The following PLD6 variants were observed in gnomAD, a reference collection of about 807,000 sequenced individuals.
PLD6 encodes the protein phospholipase D family member 6.
A neutral mutation model predicts 9.7 loss-of-function variants in PLD6; 10 were observed. The ratio of observed to expected loss-of-function variants is 1.03; its 90% CI spans 0.64 to 1.75. The LOEUF (loss-of-function observed/expected upper bound fraction) is 1.75. Ranked by LOEUF, PLD6 falls within the 40% of genes most tolerant of loss-of-function variation. The pLI is 0.00. For missense variants in PLD6, 334 were observed against 347.6 expected (o/e 0.96, Z 0.31); for synonymous variants, 152 against 159.2 (o/e 0.96, Z 0.34).
At position 17,206,043 on chromosome 17, in the gene PLD6, G is replaced by A. The variant is rs764315356; in HGVS notation, c.244C>T (p.Arg82Cys). The A allele has an allele frequency of 2.0e-6, 3 of 1,531,808 alleles. No individual in the cohort carries two copies. Among genetic ancestry groups the A allele is most frequent in the South Asian group, 2.4e-5 (2 of 83,628 alleles). The allele number at this position is 1,531,808 out of a possible 1,614,324, so 94.9% of individuals were successfully genotyped here. ...GCGGCCAGCAGGGCACGCAGCAGGCGGCTTAGCGCGCTCTCGCCGTGGGGC... is the reference window on the plus strand; with the variant it reads ...GCGGCCAGCAGGGCACGCAGCAGGCAGCTTAGCGCGCTCTCGCCGTGGGGC... Reference protein sequence around the residue: ...GLPHGESALSRLLRALLAARA... With the variant: ...GLPHGESALSCLLRALLAARA... The change falls in exon 1 of 2, where the codon CGC (arginine) becomes TGC (cysteine). Residue 82 changes from arginine to cysteine, a missense_variant. By Grantham distance (180) the Arg-to-Cys change is radical. Coordinates refer to ENST00000321560, the MANE Select transcript of PLD6 (RefSeq NM_178836.4).
chr17:17,205,280 A>G (rs2046707680), intron 1 of PLD6, among the ~76,000 whole-genome samples: 1 of 152,196 alleles, frequency 6.6e-6, no homozygotes, highest in African/African-American at 2.4e-5. Context: ...GCAGCTGGGA[A>G]AACAACCGAA....
intron 1 of PLD6, among the ~76,000 whole-genome samples, chr17:17,203,333 C>T (rs2046690774): frequency 6.6e-6 from 1 of 152,140 alleles, no homozygotes; most frequent in South Asian, 2.1e-4. Flanking sequence ...CTGGGCAGGC[C>T]GTGGTCTGGG....
chr17:17,206,053 G>A lies in PLD6; in HGVS notation c.234C>T (p.Ser78=). 5.2e-6 allele frequency: 8 copies of A among 1,527,692 alleles called. No individual in the cohort carries two copies. Among genetic ancestry groups the A allele is most frequent in the Non-Finnish European group, 7.0e-6 (8 of 1,142,400 alleles). The allele number at this position is 1,527,692 out of a possible 1,614,324, so 94.6% of individuals were successfully genotyped here. ...GCPCGLPHGE[S]ALSRLLRALL... is the part of the protein sequence containing the mutation. ...GGGCACGCAGCAGGCGGCTTAGCGC[G>A]CTCTCGCCGTGGGGCAGGCCGCACG... Residue 78 remains serine, a synonymous_variant, in exon 1 of 2, where the codon AGC becomes AGT. Coordinates refer to ENST00000321560, the MANE Select transcript of PLD6 (RefSeq NM_178836.4).
At position 17,206,021 on chromosome 17, in the gene PLD6, G is replaced by T. The variant is rs1274006592; in HGVS notation, c.266C>A (p.Ala89Asp). ...ALSRLLRALL[A>D]ARASLDLCLF... is the part of the protein sequence containing the mutation. ...GCAGAGATCCAGGCTGGCGCGGGCG[G>T]CCAGCAGGGCACGCAGCAGGCGGCT... The change falls in exon 1 of 2, where the codon GCC becomes GAC. Residue 89 changes from alanine (A) to aspartate (D), a missense_variant. Physicochemically the swap from Ala to Asp is moderately radical, Grantham distance 126. Transcript: ENST00000321560. The T allele has an allele frequency of 6.5e-7, 1 of 1,542,196 alleles. No individual in the cohort carries two copies. The highest frequency in any genetic ancestry group is 1.4e-5 in the African/African-American group (1 of 72,900).
At chr17:17,203,391 T>C (rs1022666177) in intron 1 of PLD6, among the ~76,000 whole-genome samples, 1 of 152,120 alleles carries the variant, frequency 6.6e-6, no homozygotes, top group Admixed American at 6.5e-5. Flanking sequence ...CCCTTCGGGG[T>C]TACTGCTTGC....
intron 1 of PLD6, 121 bp downstream of exon 1, chr17:17,205,739 C>T (rs2046713236): frequency 2.5e-6 from 3 of 1,185,810 alleles, no homozygotes; most frequent in Non-Finnish European, 3.5e-6. Flanking sequence ...CACAAGGCCA[C>T]GAGGAAAGTA....
At chr17:17,203,450 C>T (rs902610785) in intron 1 of PLD6, among the ~76,000 whole-genome samples, 1 of 152,196 alleles carries the variant, frequency 6.6e-6, no homozygotes, top group Admixed American at 6.5e-5. Context: ...GCAAAGACAG[C>T]GTGTGAGCCT....
In PLD6 at chr17:17,206,062, G is replaced by A; in HGVS notation, c.225C>T (p.His75=). 6.6e-7 allele frequency: 1 copy of A among 1,521,836 alleles called. No individual in the cohort carries two copies. Among genetic ancestry groups the A allele is most frequent in the Non-Finnish European group, 8.8e-7 (1 of 1,140,292 alleles). 94.3% of individuals were successfully genotyped at this position (1,521,836 alleles called of 1,614,324 possible). A position where few individuals can be genotyped will look rare whatever the true frequency, so the allele number is the denominator to read the frequency against. The change falls in exon 1 of 2, where the codon CAC becomes CAT. Residue 75 remains histidine, a synonymous_variant. Coordinates refer to ENST00000321560, the MANE Select transcript of PLD6 (RefSeq NM_178836.4). ...LPEGCPCGLP[H]GESALSRLLR... Reference sequence around the variant, plus strand: ...GCAGGCGGCTTAGCGCGCTCTCGCCGTGGGGCAGGCCGCACGGGCAGCCCT... The same window carrying A: ...GCAGGCGGCTTAGCGCGCTCTCGCCATGGGGCAGGCCGCACGGGCAGCCCT...
rs1329756521 is a variant in PLD6 at position 17,201,309 on chromosome 17, TAA to T, written c.*1456_*1457del. 2.6e-5 allele frequency: 4 copies of T among 152,232 alleles called. No homozygotes were observed. The highest frequency in any genetic ancestry group is 5.9e-5 in the Non-Finnish European group (4 of 68,054). 9.4% of individuals were successfully genotyped at this position (152,232 alleles called of 1,614,324 possible). On this transcript the variant is annotated 3_prime_UTR_variant, in exon 2 of 2. Coordinates refer to ENST00000321560, the MANE Select transcript of PLD6 (RefSeq NM_178836.4). ...CCAGCGTGGGCTGGGGAGGTGAGAC[TAA>T]GCACATGGCTAGCAGACCTCAGGAT...
chr17:17,202,674 G>T lies in PLD6; in HGVS notation c.*93C>A. 1 of 1,215,788 alleles carries T rather than the reference G, an allele frequency of 8.2e-7. No homozygotes were observed. 75.3% of individuals were successfully genotyped at this position (1,215,788 alleles called of 1,614,324 possible). ...AGTTCAATTTAGTATTCTAATAGAC[G>T]AGACTTTAGTTTAACGATTTTTTTC... is the stretch of plus-strand genomic sequence containing the variant. On this transcript the variant is annotated 3_prime_UTR_variant, in exon 2 of 2. Transcript: ENST00000321560.
Position 17,202,736 on chromosome 17 carries a change from G to C in PLD6, c.*31C>G. The C allele has an allele frequency of 6.3e-7, 1 of 1,590,298 alleles. No homozygotes were observed. On this transcript the variant is annotated 3_prime_UTR_variant, in exon 2 of 2. Coordinates refer to ENST00000321560, the MANE Select transcript of PLD6 (RefSeq NM_178836.4). ...TCTCCCTCCCTCAGAACGCACAGCA[G>C]CCCGCAGGGAGGGCTCAGCCCCATT...
rs2046688291 is a variant in PLD6 at position 17,203,045 on chromosome 17, T to C, written c.481A>G (p.Ile161Val). The change falls in exon 2 of 2, where the codon ATC becomes GTC. Residue 161 changes from isoleucine (I) to valine (V), a missense_variant. Transcript: ENST00000321560. ...GTGATGAGCACCCTCTTGTCCACGATGGCAAACTTGTGATGCATGTAGCCT... is the reference window on the plus strand; with the variant it reads ...GTGATGAGCACCCTCTTGTCCACGACGGCAAACTTGTGATGCATGTAGCCT... ...DPGYMHHKFAIVDKRVLITGS... is the reference protein window; with the variant it reads ...DPGYMHHKFAVVDKRVLITGS... 1.2e-6 allele frequency: 2 copies of C among 1,614,208 alleles called. No homozygotes were observed. Among genetic ancestry groups the C allele is most frequent in the Non-Finnish European group, 1.7e-6 (2 of 1,180,034 alleles).
chr17:17,202,888 T>G lies in PLD6; in HGVS notation c.638A>C (p.Lys213Thr). The G allele has an allele frequency of 6.2e-7, 1 of 1,614,132 alleles. No individual in the cohort carries two copies. The highest frequency in any genetic ancestry group is 1.3e-5 in the African/African-American group (1 of 75,034). ...ERIWEQFNPT[K>T]YTFFPPKKSH... ...TTTCTTTGGTGGGAAAAAGGTATAC[T>G]TTGTAGGGTTAAACTGTTCCCAGAT... is the stretch of plus-strand genomic sequence containing the variant. Residue 213 changes from lysine to threonine, a missense_variant, in exon 2 of 2, where the codon AAG becomes ACG. Lys to Thr is a moderately conservative substitution (Grantham distance 78, BLOSUM62 -1). Transcript: ENST00000321560.
rs780746702 is a variant in PLD6, at chr17:17,206,161, C to T, written c.126G>A (p.Leu42=). The T allele has an allele frequency of 1.1e-5, 17 of 1,504,844 alleles. No individual in the cohort carries two copies. Among genetic ancestry groups the T allele is most frequent in the African/African-American group, 1.0e-4 (7 of 69,154 alleles). 93.2% of individuals were successfully genotyped at this position (1,504,844 alleles called of 1,614,324 possible). A position where few individuals can be genotyped will look rare whatever the true frequency, so the allele number is the denominator to read the frequency against. The change falls in exon 1 of 2, where the codon CTG becomes CTA. Residue 42 remains leucine, a synonymous_variant. Coordinates refer to ENST00000321560, the MANE Select transcript of PLD6 (RefSeq NM_178836.4). ...TACAGGTCACCTGAGACGGGAAGAA[C>T]AGCGCCTCGCGCCGCGGCCGCCGCC... ...SRRRRPRREA[L]FFPSQVTCTE...
At position 17,206,320 on chromosome 17, in the gene PLD6, C is replaced by T; in HGVS notation, c.-34G>A. 1 of 1,489,390 alleles carries T rather than the reference C, an allele frequency of 6.7e-7. No homozygotes were observed. The highest frequency in any genetic ancestry group is 1.5e-5 in the African/African-American group (1 of 68,718). The allele number at this position is 1,489,390 out of a possible 1,614,324, so 92.3% of individuals were successfully genotyped here. A position where few individuals can be genotyped will look rare whatever the true frequency, so the allele number is the denominator to read the frequency against. On this transcript the variant is annotated 5_prime_UTR_variant, in exon 1 of 2. Coordinates refer to ENST00000321560, the MANE Select transcript of PLD6 (RefSeq NM_178836.4). ...TAATCCGGGACCCACAGCCACGCCG[C>T]CGCAGCGGAGTCTGCGCGCCCCCAG...
chr17:17,201,064 A>C lies in PLD6; in HGVS notation c.*1703T>G, dbSNP rs2046670478. 1 of 152,272 alleles carries C rather than the reference A, an allele frequency of 6.6e-6. No individual in the cohort carries two copies. Among genetic ancestry groups the C allele is most frequent in the African/African-American group, 2.4e-5 (1 of 41,478 alleles). 9.4% of individuals were successfully genotyped at this position (152,272 alleles called of 1,614,324 possible). A position where few individuals can be genotyped will look rare whatever the true frequency, so the allele number is the denominator to read the frequency against. On this transcript the variant is annotated 3_prime_UTR_variant, in exon 2 of 2. Transcript: ENST00000321560. ...GGTCACGCGGCTTCGCATTTAGGAG[A>C]TGCTTTACAAGCTCTCCCATTTTCT... is the stretch of plus-strand genomic sequence containing the variant.
Position 17,203,104 on chromosome 17 carries a change from G to T in PLD6, c.428-6C>A, listed in dbSNP as rs1262801288. On this transcript the variant is annotated splice_polypyrimidine_tract_variant and splice_region_variant and intron_variant, in intron 1 of 1. Coordinates refer to ENST00000321560, the MANE Select transcript of PLD6 (RefSeq NM_178836.4). ...ATCGTGCCGGACCTGGATCCCTGCA[G>T]AAAGGACAAGGTGATTTCATTCCAT... 1.1e-5 allele frequency: 17 copies of T among 1,611,638 alleles called. No homozygotes were observed. The highest frequency in any genetic ancestry group is 1.4e-5 in the Non-Finnish European group (16 of 1,178,156).
chr17:17,205,781 C>A, intron 1 of PLD6, 79 bp downstream of exon 1: 1 of 1,472,452 alleles, frequency 6.8e-7, no homozygotes, highest in Non-Finnish European at 9.1e-7. Flanking sequence ...CAGACCCCCT[C>A]CCCTAAGTGT....
intron 1 of PLD6, among the ~76,000 whole-genome samples, chr17:17,204,672 G>A (rs931198417): frequency 6.6e-6 from 1 of 152,200 alleles, no homozygotes; most frequent in Admixed American, 6.5e-5. Flanking sequence ...TTCTACGACT[G>A]TAAAAGCAAC....
Sources: gnomAD v4.1 joint callset for allele counts (sites outside exome capture counted in the v4.1 genomes callset) on GRCh38, gnomAD v4.1.1 for gene constraint, MANE v1.5 for transcripts, NCBI Gene and HGNC (gene_info 2026-07-23, HGNC 2026-07-21) for gene names.